Variants in FANCC observed in about 807,000 individuals in gnomAD.
The protein encoded by FANCC is FA complementation group C, also known as Fanconi anemia group C protein.
In FANCC, 55 loss-of-function variants were observed where a neutral mutation model predicts 71.3. The ratio of observed to expected loss-of-function variants is 0.77; its 90% CI spans 0.62 to 0.97. The LOEUF (loss-of-function observed/expected upper bound fraction) is 0.97. FANCC is among the 50% of genes least tolerant of loss of function. The pLI, the probability that FANCC is intolerant of heterozygous loss-of-function variation, is 0.00. For synonymous variants in FANCC, 275 were observed against 244.9 expected, an observed-to-expected ratio of 1.12 and a Z score of -1.15; for missense variants, 678 against 670.9, an observed-to-expected ratio of 1.01 and a Z score of -0.12.
At position 95,222,624 on chromosome 9, in the gene FANCC, T is replaced by C. The variant is rs546980889; in HGVS notation, c.345+18025A>G. On this transcript the variant is annotated intron_variant, in intron 4 of 14. Transcript: ENST00000289081. ...CAAATTATACACTTTAAGAGTGCAT[T>C]TGATCGCACGTAAAATGTTCCTCAA... Among the ~76,000 whole-genome samples the C allele has an allele frequency of 2.6e-5, 4 of 152,314 alleles. No individual in the cohort carries two copies. The South Asian group carries it at 8.3e-4, about 32-fold the overall frequency.
chr9:95,237,515 T>G (rs545877774), intron 4 of FANCC, among the ~76,000 whole-genome samples: 23 of 152,236 alleles, frequency 1.5e-4, no homozygotes, highest in Non-Finnish European at 3.2e-4. Flanking sequence ...TGCTGTATGC[T>G]CCACAGCTGC....
At chr9:95,214,334 G>A (rs1401190430) in intron 4 of FANCC, among the ~76,000 whole-genome samples, 1 of 152,122 alleles carries the variant, frequency 6.6e-6, no homozygotes, top group Non-Finnish European at 1.5e-5. Flanking sequence ...GAAGAGGCTG[G>A]GGTTGGAAGA....
intron 1 of FANCC, among the ~76,000 whole-genome samples, chr9:95,263,012 T>C (rs1832148083): frequency 6.6e-6 from 1 of 152,236 alleles, no homozygotes; most frequent in Admixed American, 6.5e-5. Context: ...GTTCTGGGGA[T>C]GGATGGCGGC....
chr9:95,238,532 C>CT (rs1830448751), intron 4 of FANCC, among the ~76,000 whole-genome samples: 1 of 152,080 alleles, frequency 6.6e-6, no homozygotes, highest in East Asian at 1.9e-4. Context: ...CTCACACTGG[C>CT]TACATGATAT....
chr9:95,125,623 A>G (rs747224141), intron 9 of FANCC, among the ~76,000 whole-genome samples: 7 of 152,214 alleles, frequency 4.6e-5, no homozygotes, highest in Admixed American at 3.3e-4. Flanking sequence ...ATTATTGTAC[A>G]ATTAATTTTT....
intron 10 of FANCC, among the ~76,000 whole-genome samples, chr9:95,120,165 T>C (rs1341619488): frequency 6.6e-6 from 1 of 152,266 alleles, no homozygotes; most frequent in Non-Finnish European, 1.5e-5. Context: ...TTGAAGCCCA[T>C]GATCCTCTCA....
At chr9:95,203,322 C>T (rs1232311310) in intron 4 of FANCC, among the ~76,000 whole-genome samples, 3 of 142,714 alleles carry the variant, frequency 2.1e-5, no homozygotes, top group Non-Finnish European at 4.5e-5. Flanking sequence ...TCGCTTGAGC[C>T]CAGAGCTGGA....
chr9:95,102,799 G>A (rs2071161065), intron 14 of FANCC, among the ~76,000 whole-genome samples: 2 of 152,222 alleles, frequency 1.3e-5, no homozygotes, highest in African/African-American at 4.8e-5. Context: ...TGCGCACTGT[G>A]TGAATGGCAG....
At chr9:95,201,294 T>G (rs1827790678) in intron 4 of FANCC, among the ~76,000 whole-genome samples, 1 of 152,186 alleles carries the variant, frequency 6.6e-6, no homozygotes, top group Non-Finnish European at 1.5e-5. Context: ...TCTCATCATT[T>G]CCAGCTCAGT....
At chr9:95,288,773 T>C (rs1295758294) in intron 1 of FANCC, among the ~76,000 whole-genome samples, 1 of 152,114 alleles carries the variant, frequency 6.6e-6, no homozygotes, top group Non-Finnish European at 1.5e-5. Flanking sequence ...ACTCTTCTCT[T>C]TGTTCACTGT....
intron 1 of FANCC, among the ~76,000 whole-genome samples, chr9:95,249,635 G>GATAATACTT (rs1336810757): frequency 6.6e-6 from 1 of 152,162 alleles, no homozygotes; most frequent in Non-Finnish European, 1.5e-5. Context: ...AAGCACAGCT[G>GATAATACTT]ATAATACTTT....
rs1446508951 is a variant in FANCC, at chr9:95,294,579, T to G, written c.-79+22947A>C. 6 of 1,536,036 alleles carry G rather than the reference T, an allele frequency of 3.9e-6. No individual in the cohort carries two copies. In the Admixed American group the frequency reaches 6.7e-5, roughly 17 times the overall value. On this transcript the variant is annotated intron_variant, in intron 1 of 14. Coordinates refer to ENST00000289081, the MANE Select transcript of FANCC (RefSeq NM_000136.3). Reference sequence around the variant, plus strand: ...AGACACAAACTGAAGGAATCTCCACTGTTAAAGATATACCTGCTCTAGAAA... The same window carrying G: ...AGACACAAACTGAAGGAATCTCCACGGTTAAAGATATACCTGCTCTAGAAA...
At chr9:95,303,505 T>C (rs980265706) in intron 1 of FANCC, among the ~76,000 whole-genome samples, 1 of 152,208 alleles carries the variant, frequency 6.6e-6, no homozygotes, top group African/African-American at 2.4e-5. Context: ...AAATATCACA[T>C]ACATGGTGGC....
chr9:95,223,452 C>T (rs917905995), intron 4 of FANCC, among the ~76,000 whole-genome samples: 17 of 152,178 alleles, frequency 1.1e-4, no homozygotes, highest in Non-Finnish European at 2.4e-4. Context: ...GATTAGGGTC[C>T]ACCTTAATCC....
chr9:95,306,637 T>C (rs1835082836), intron 1 of FANCC, among the ~76,000 whole-genome samples: 1 of 152,142 alleles, frequency 6.6e-6, no homozygotes, highest in South Asian at 2.1e-4. Context: ...AAGGCAAATG[T>C]TTTCTGCTAA....
At chr9:95,251,186 A>G (rs1042447828) in intron 1 of FANCC, among the ~76,000 whole-genome samples, 2 of 152,208 alleles carry the variant, frequency 1.3e-5, no homozygotes, top group African/African-American at 4.8e-5. Context: ...AATGCAGCAT[A>G]TGCCTGGCAA....
At chr9:95,165,417 G>A (rs1401066774) in intron 6 of FANCC, among the ~76,000 whole-genome samples, 1 of 150,852 alleles carries the variant, frequency 6.6e-6, no homozygotes, top group African/African-American at 2.4e-5. Flanking sequence ...TTTTAATGTA[G>A]GCATTTACCA....
intron 4 of FANCC, among the ~76,000 whole-genome samples, chr9:95,223,153 G>T (rs1829386843): frequency 6.6e-6 from 1 of 152,178 alleles, no homozygotes; most frequent in African/African-American, 2.4e-5. Context: ...GTACTAGTTT[G>T]CTAGAGCTGC....
intron 8 of FANCC, among the ~76,000 whole-genome samples, chr9:95,134,169 G>A (rs1386409360): frequency 6.6e-6 from 1 of 152,324 alleles, no homozygotes; most frequent in East Asian, 1.9e-4. Context: ...AAGGGGAAGG[G>A]TGAAAGGGGC....
Sources: gnomAD v4.1 joint callset for allele counts (sites outside exome capture counted in the v4.1 genomes callset) on GRCh38, gnomAD v4.1.1 for gene constraint, MANE v1.5 for transcripts, NCBI Gene and HGNC (gene_info 2026-07-23, HGNC 2026-07-21) for gene names.